Variants in PALM2AKAP2 observed in about 807,000 individuals in gnomAD.
PALM2AKAP2 encodes the protein PALM2 and AKAP2 fusion.
In PALM2AKAP2, 37 loss-of-function variants were observed where a neutral mutation model predicts 71.5. The ratio of observed to expected loss-of-function variants is 0.52; its 90% CI spans 0.40 to 0.68. The LOEUF is 0.68. Among genes scored for constraint, PALM2AKAP2 ranks in the 30% least tolerant of loss-of-function variants. The pLI is 0.00. For synonymous variants in PALM2AKAP2, 468 were observed against 478.8 expected (o/e 0.98, Z 0.29); for missense variants, 1,224 against 1,191.8 (o/e 1.03, Z -0.40).
intron 1 of PALM2AKAP2, among the ~76,000 whole-genome samples, chr9:110,056,152 C>T (rs569035990): frequency 8.5e-5 from 13 of 152,346 alleles, no homozygotes; most frequent in Admixed American, 3.3e-4. Context: ...TCCTCCTGAG[C>T]TCCCACCTGG....
At chr9:109,925,067 T>C in exon 5 of PALM2AKAP2, 1 of 1,614,176 alleles carries the variant, frequency 6.2e-7, no homozygotes, top group African/African-American at 1.3e-5. Context: ...ACAGGGTTTC[T>C]CCAGTACGGA....
intron 1 of PALM2AKAP2, among the ~76,000 whole-genome samples, chr9:109,650,668 C>A (rs1231363861): frequency 6.6e-6 from 1 of 152,188 alleles, no homozygotes; most frequent in Non-Finnish European, 1.5e-5. Context: ...TTAAGCAATC[C>A]TCCCACTTCA....
intron 6 of PALM2AKAP2, chr9:109,943,460 G>T (rs1831426163): frequency 6.4e-7 from 1 of 1,567,304 alleles, no homozygotes; most frequent in African/African-American, 1.4e-5. Flanking sequence ...TGGGCAGCCT[G>T]TACTCTCCAC....
intron 1 of PALM2AKAP2, among the ~76,000 whole-genome samples, chr9:110,084,745 T>C (rs1834523382): frequency 6.6e-6 from 1 of 152,126 alleles, no homozygotes; most frequent in Non-Finnish European, 1.5e-5. Context: ...TGTTTTTCTT[T>C]TTTTTTTTGA....
intron 5 of PALM2AKAP2, among the ~76,000 whole-genome samples, chr9:109,929,990 G>C (rs1456619169): frequency 1.3e-5 from 2 of 151,826 alleles, no homozygotes; most frequent in Non-Finnish European, 2.9e-5. Flanking sequence ...ACCATCTTCA[G>C]GGGGTCCCTG....
exon 4 of PALM2AKAP2, chr9:110,172,094 G>A (rs1020914326): frequency 6.6e-6 from 1 of 152,568 alleles, no homozygotes; most frequent in African/African-American, 2.4e-5. Flanking sequence ...CACTAAAACA[G>A]TGTTGATTCT....
intron 1 of PALM2AKAP2, among the ~76,000 whole-genome samples, chr9:109,691,454 A>C (rs1827882865): frequency 6.6e-6 from 1 of 152,020 alleles, no homozygotes; most frequent in South Asian, 2.1e-4. Flanking sequence ...TCTTTCTAGC[A>C]TTTCAAATTG....
intron 6 of PALM2AKAP2, among the ~76,000 whole-genome samples, chr9:109,957,343 A>T (rs1831766409): frequency 6.6e-6 from 1 of 152,222 alleles, no homozygotes; most frequent in African/African-American, 2.4e-5. Context: ...GGCTGGCTCC[A>T]CTATAAAACA....
chr9:110,135,299 CAAAAAAAAAAA>C (rs71373970), intron 1 of PALM2AKAP2, among the ~76,000 whole-genome samples: 2 of 7,262 alleles, frequency 2.8e-4, no homozygotes, highest in African/African-American at 7.5e-4. Context: ...AATCCCATCT[CAAAAAAAAAAA>C]AAAAAAAAAA....
intron 2 of PALM2AKAP2, among the ~76,000 whole-genome samples, chr9:109,879,256 G>GC (rs1488983903): frequency 2.6e-5 from 4 of 152,224 alleles, no homozygotes; most frequent in African/African-American, 7.2e-5. Context: ...CAGAGGTGAT[G>GC]CCAGTGAGCC....
intron 1 of PALM2AKAP2, among the ~76,000 whole-genome samples, chr9:109,866,069 C>G (rs913962569): frequency 6.6e-6 from 1 of 152,130 alleles, no homozygotes; most frequent in Non-Finnish European, 1.5e-5. Context: ...AGATTATATC[C>G]GTGACTTAGA....
chr9:110,133,474 C>T (rs1835779095), intron 1 of PALM2AKAP2, among the ~76,000 whole-genome samples: 2 of 152,016 alleles, frequency 1.3e-5, no homozygotes, highest in Admixed American at 6.6e-5. Flanking sequence ...AATAACCTCC[C>T]CTCATGTTTA....
At chr9:110,146,879 GTAAACT>G (rs1178283184) in intron 2 of PALM2AKAP2, among the ~76,000 whole-genome samples, 1 of 152,112 alleles carries the variant, frequency 6.6e-6, no homozygotes, top group African/African-American at 2.4e-5. Flanking sequence ...GGCCTTGAAG[GTAAACT>G]TAAAAGGGTT....
At chr9:110,014,997 C>T (rs1001955700) in intron 6 of PALM2AKAP2, among the ~76,000 whole-genome samples, 2 of 151,358 alleles carry the variant, frequency 1.3e-5, no homozygotes, top group Non-Finnish European at 2.9e-5. Flanking sequence ...CACACTGGCC[C>T]CTGATCTTTT....
intron 1 of PALM2AKAP2, chr9:109,867,192 G>GTGTC (rs1829472172): frequency 2.3e-6 from 1 of 436,870 alleles, no homozygotes; most frequent in Non-Finnish European, 4.6e-6. Context: ...GTGTGTGTGT[G>GTGTC]TGTGTGTGTG....
At chr9:109,851,213 A>ACAACAACAACAACAAC (rs1564179688) in intron 1 of PALM2AKAP2, among the ~76,000 whole-genome samples, 1 of 142,970 alleles carries the variant, frequency 7.0e-6, no homozygotes, top group African/African-American at 2.9e-5. Context: ...CAACAACAAA[A>ACAACAACAACAACAAC]AAAAAAAAAC....
intron 3 of PALM2AKAP2, among the ~76,000 whole-genome samples, chr9:109,881,706 A>G (rs1410580599): frequency 1.3e-5 from 2 of 152,000 alleles, no homozygotes; most frequent in African/African-American, 2.4e-5. Context: ...CTTGGGAGCT[A>G]TAGCCACTCC....
At chr9:110,079,807 C>T (rs937664738) in intron 1 of PALM2AKAP2, among the ~76,000 whole-genome samples, 1 of 152,022 alleles carries the variant, frequency 6.6e-6, no homozygotes, top group Non-Finnish European at 1.5e-5. Flanking sequence ...CGGTGGCTCA[C>T]GCCTGTAATC....
chr9:110,009,789 T>C (rs1405251117), intron 6 of PALM2AKAP2, among the ~76,000 whole-genome samples: 1 of 151,632 alleles, frequency 6.6e-6, no homozygotes, highest in Admixed American at 6.6e-5. Context: ...GGCTTCCTGC[T>C]ACCAGCCCAA....
Sources: gnomAD v4.1 joint callset for allele counts (sites outside exome capture counted in the v4.1 genomes callset) on GRCh38, gnomAD v4.1.1 for gene constraint, MANE v1.5 for transcripts, NCBI Gene and HGNC (gene_info 2026-07-23, HGNC 2026-07-21) for gene names.